The following ACAN variants were observed in gnomAD, a reference collection of about 807,000 sequenced individuals.
The protein encoded by ACAN is aggrecan core protein.
ACAN carries 47 observed loss-of-function variants against 169.1 expected under a neutral mutation model. The observed-to-expected ratio is 0.28, with a 90% CI of 0.22 to 0.35. The LOEUF is 0.35. ACAN is among the 10% of genes least tolerant of loss of function. The pLI is 1.00. For synonymous variants in ACAN, 1,115 were observed against 1,112.2 expected (o/e 1.00, Z -0.05); for missense variants, 2,716 against 2,759.9 (o/e 0.98, Z 0.36).
In ACAN at chr15:88,871,552, G is replaced by A. The variant is rs564393851; in HGVS notation, c.7219+12G>A. On this transcript the variant is annotated intron_variant, in intron 15 of 18. Coordinates refer to ENST00000560601, the MANE Select transcript of ACAN (RefSeq NM_001369268.1). The surrounding 1 kb of genome is among the most constrained non-coding windows in gnomAD (Gnocchi z 7.8). ...GGAGTTTGTCAACAGTGAGTGCGGC[G>A]GGGCCTCTGGAGCCTGAGAGGAGAG... 1.2e-5 allele frequency: 20 copies of A among 1,605,676 alleles called. No homozygotes were observed. The highest frequency in any genetic ancestry group is 4.5e-5 in the East Asian group (2 of 44,648).
rs777671423 is a variant in ACAN at position 88,843,663 on chromosome 15, G to C, written c.1051+15G>C. 1.9e-6 allele frequency: 3 copies of C among 1,552,750 alleles called. No individual in the cohort carries two copies. The highest frequency in any genetic ancestry group is 1.8e-5 in the Admixed American group (1 of 56,584). On this transcript the variant is annotated intron_variant, in intron 6 of 18. Transcript: ENST00000560601. The surrounding 1 kb of genome is among the most constrained non-coding windows in gnomAD (Gnocchi z 4.0). The stretch of plus-strand genomic sequence containing the variant: ...CTGCTACACAGGTGGGGCACGGCTG[G>C]TGGTGGGAAGGGAGTTCATGCCACT...
In ACAN at chr15:88,866,487, G is replaced by A. The variant is rs1385508309; in HGVS notation, c.6947-1729G>A. 1.3e-5 allele frequency among the ~76,000 whole-genome samples: 2 copies of A among 152,142 alleles called. No homozygotes were observed. The highest frequency in any genetic ancestry group is 1.3e-4 in the Admixed American group (2 of 15,276). Reference sequence around the variant, plus strand: ...GGGCATGCTGGGAATCCAAGTGCATGCTGGGATTTCAGTCTGTTCCTCCAT... The same window carrying A: ...GGGCATGCTGGGAATCCAAGTGCATACTGGGATTTCAGTCTGTTCCTCCAT... On this transcript the variant is annotated intron_variant, in intron 13 of 18. Coordinates refer to ENST00000560601, the MANE Select transcript of ACAN (RefSeq NM_001369268.1). This position sits in a 1 kb window ranked among gnomAD's most constrained non-coding sequence, Gnocchi z 5.6.
At chr15:88,805,004 A>G (rs1056479732) in intron 1 of ACAN, among the ~76,000 whole-genome samples, 3 of 152,284 alleles carry the variant, frequency 2.0e-5, no homozygotes, top group East Asian at 3.9e-4. Flanking sequence ...GGGCAAGTGG[A>G]CCCAGAAAGG....
At position 88,840,403 on chromosome 15, in the gene ACAN, G is replaced by A. The variant is rs148420241; in HGVS notation, c.629+217G>A. Among the ~76,000 whole-genome samples, 14 of 152,316 alleles carry A rather than the reference G, an allele frequency of 9.2e-5. No individual in the cohort carries two copies. In the South Asian group the frequency reaches 2.7e-3, roughly 29 times the overall value. ...TGATTCTCTCTTGCAAATGGGATGA[G>A]GGACTGCTAGCAACCTTGCCCTACA... On this transcript the variant is annotated intron_variant, in intron 4 of 18. Transcript: ENST00000560601.
intron 4 of ACAN, among the ~76,000 whole-genome samples, chr15:88,841,100 G>A (rs1016070721): frequency 9.9e-5 from 15 of 152,196 alleles, no homozygotes; most frequent in Admixed American, 5.9e-4. Flanking sequence ...AGCCGAGATC[G>A]CGCCACTGCA....
rs950811469 is a variant in ACAN at position 88,849,856 on chromosome 15, G to A, written c.2026+125G>A. 12 of 1,354,760 alleles carry A rather than the reference G, an allele frequency of 8.9e-6. No individual in the cohort carries two copies. In the Admixed American group the frequency reaches 1.4e-4, roughly 16 times the overall value. 83.9% of individuals were successfully genotyped at this position (1,354,760 alleles called of 1,614,324 possible). On this transcript the variant is annotated intron_variant, in intron 10 of 18. Transcript: ENST00000560601. This position sits in a 1 kb window ranked among gnomAD's most constrained non-coding sequence, Gnocchi z 5.1. ...GCAAGAAAATGTCAGTCCCTCTGGG[G>A]CAGAGCCAGCTCTGAAACCAGCACA...
At chr15:88,846,833 G>A (rs1327391425) in intron 7 of ACAN, among the ~76,000 whole-genome samples, 2 of 152,172 alleles carry the variant, frequency 1.3e-5, no homozygotes, top group East Asian at 3.8e-4. Flanking sequence ...TGTAACAGAA[G>A]CCACATAGCC....
At chr15:88,834,629 C>G (rs1896454967) in intron 1 of ACAN, among the ~76,000 whole-genome samples, 1 of 152,258 alleles carries the variant, frequency 6.6e-6, no homozygotes, top group African/African-American at 2.4e-5. Flanking sequence ...GGTTCCCTCC[C>G]TCTGTGATGC....
chr15:88,819,106 T>C (rs888936203), intron 1 of ACAN, among the ~76,000 whole-genome samples: 6 of 152,286 alleles, frequency 3.9e-5, no homozygotes, highest in African/African-American at 1.4e-4. Flanking sequence ...TGGGAGGCTA[T>C]TAAGCACTAT....
chr15:88,817,217 C>CT (rs1306281581), intron 1 of ACAN, among the ~76,000 whole-genome samples: 4 of 152,212 alleles, frequency 2.6e-5, no homozygotes, highest in African/African-American at 9.6e-5. Context: ...TCTTGGCTCG[C>CT]TGCAACCTCT....
chr15:88,874,648 TC>T lies in ACAN; in HGVS notation c.*169del. On this transcript the variant is annotated 3_prime_UTR_variant, in exon 19 of 19. Coordinates refer to ENST00000560601, the MANE Select transcript of ACAN (RefSeq NM_001369268.1). This position sits in a 1 kb window ranked among gnomAD's most constrained non-coding sequence, Gnocchi z 7.3. ...ATTTGTGTATGCACCCACTCACCCC[TC>T]CAAATCAGCAAAACCGCATCTAATT... is the stretch of plus-strand genomic sequence containing the variant. The T allele has an allele frequency of 1.4e-6, 1 of 724,776 alleles. No homozygotes were observed. Among genetic ancestry groups the T allele is most frequent in the Non-Finnish European group, 2.4e-6 (1 of 410,164 alleles). The allele number at this position is 724,776 out of a possible 1,614,324, so 44.9% of individuals were successfully genotyped here.
At position 88,849,541 on chromosome 15, in the gene ACAN, C is replaced by T. The variant is rs745939485; in HGVS notation, c.1836C>T (p.Tyr612=). The change falls in exon 10 of 19, where the codon TAC becomes TAT. Residue 612 remains tyrosine, a synonymous_variant. Transcript: ENST00000560601. The surrounding 1 kb of genome is among the most constrained non-coding windows in gnomAD (Gnocchi z 5.1). The stretch of plus-strand genomic sequence containing the variant: ...CGCTGGCCACCACGGGCCAGCTCTA[C>T]GCCGCCTGGAGCCGCGGCCTGGACA... ...NATLATTGQL[Y]AAWSRGLDKC... 5.0e-6 allele frequency: 8 copies of T among 1,605,714 alleles called. No individual in the cohort carries two copies. The highest frequency in any genetic ancestry group is 5.9e-6 in the Non-Finnish European group (7 of 1,176,478).
chr15:88,848,386 A>G (rs28609392), intron 9 of ACAN, among the ~76,000 whole-genome samples: 11,934 of 152,240 alleles, frequency 0.078, 945 homozygotes, highest in African/African-American at 0.2. Context: ...GCACAAATCA[A>G]AGGCACTGAG....
rs776820500 is a variant in ACAN at position 88,858,535 on chromosome 15, C to T, written c.5950C>T (p.Leu1984=). Residue 1984 remains leucine, a synonymous_variant, in exon 12 of 19, where the codon CTA becomes TTA. Transcript: ENST00000560601. This position sits in a 1 kb window ranked among gnomAD's most constrained non-coding sequence, Gnocchi z 4.0. ...MSGEHSGFLD[L]SGLQSGLIEP... ...TGGGGAGCATTCTGGATTTCTGGACCTAAGTGGGCTGCAGTCCGGGCTGAT... is the reference window on the plus strand; with the variant it reads ...TGGGGAGCATTCTGGATTTCTGGACTTAAGTGGGCTGCAGTCCGGGCTGAT... The T allele has an allele frequency of 6.2e-7, 1 of 1,613,776 alleles. No individual in the cohort carries two copies. Among genetic ancestry groups the T allele is most frequent in the Non-Finnish European group, 8.5e-7 (1 of 1,179,910 alleles).
In ACAN at chr15:88,859,261, A is replaced by C; in HGVS notation, c.6676A>C (p.Thr2226Pro). The C allele has an allele frequency of 6.2e-7, 1 of 1,613,928 alleles. No individual in the cohort carries two copies. The highest frequency in any genetic ancestry group is 8.5e-7 in the Non-Finnish European group (1 of 1,179,886). ...SIPESEWTQQ[T>P]QRPAETHLEI... is the part of the protein sequence containing the mutation. ...CCCAGAGTCTGAGTGGACCCAGCAG[A>C]CCCAGCGCCCTGCAGAGACGCATCT... Residue 2226 changes from threonine to proline, a missense_variant, in exon 12 of 19, where the codon ACC (threonine) becomes CCC (proline). Thr to Pro is a conservative substitution (Grantham distance 38). This residue lies in a region of ACAN where 1,389 missense variants were observed against 1,363.7 expected (regional missense o/e 1.02). Coordinates refer to ENST00000560601, the MANE Select transcript of ACAN (RefSeq NM_001369268.1).
intron 1 of ACAN, among the ~76,000 whole-genome samples, chr15:88,805,821 G>A (rs1039564512): frequency 6.6e-6 from 1 of 151,880 alleles, no homozygotes; most frequent in African/African-American, 2.4e-5. Flanking sequence ...TTTAATGTTC[G>A]GAAGCCCTCC....
At chr15:88,842,578 T>C (rs539867529) in intron 5 of ACAN, among the ~76,000 whole-genome samples, 16 of 149,358 alleles carry the variant, frequency 1.1e-4, no homozygotes, top group African/African-American at 3.9e-4. Context: ...AGCTGACAAC[T>C]GGCACTTTCT....
intron 1 of ACAN, among the ~76,000 whole-genome samples, chr15:88,835,838 C>T (rs1896488478): frequency 6.6e-6 from 1 of 152,180 alleles, no homozygotes; most frequent in East Asian, 1.9e-4. Flanking sequence ...CATCCAGAAA[C>T]ACCCTCACAG....
intron 1 of ACAN, among the ~76,000 whole-genome samples, chr15:88,806,718 G>A (rs749261929): frequency 2.6e-5 from 4 of 152,118 alleles, no homozygotes; most frequent in African/African-American, 4.8e-5. Flanking sequence ...GGGCCCTTAG[G>A]AGGACCTCAG....
Sources: allele counts gnomAD v4.1 joint callset (sites outside exome capture counted in the v4.1 genomes callset), GRCh38; gene constraint gnomAD v4.1.1; regional missense constraint gnomAD v4.1.1; non-coding constraint Gnocchi (gnomAD v3.1); transcripts MANE v1.5; gene names NCBI Gene and HGNC (gene_info 2026-07-23, HGNC 2026-07-21).